The following SLC4A10 variants were observed in gnomAD, a reference collection of about 807,000 sequenced individuals.
SLC4A10 encodes the protein sodium-driven chloride bicarbonate exchanger.
A neutral mutation model predicts 137.7 loss-of-function variants in SLC4A10; 42 were observed. The ratio of observed to expected loss-of-function variants is 0.30; its 90% CI spans 0.24 to 0.39. SLC4A10 has a LOEUF of 0.39. Among genes scored for constraint, SLC4A10 ranks in the 10% least tolerant of loss-of-function variants. The pLI, the probability that SLC4A10 is intolerant of heterozygous loss-of-function variation, is 1.00. For synonymous variants in SLC4A10, 474 were observed against 464.1 expected (o/e 1.02, Z -0.27); for missense variants, 925 against 1,355.0 (o/e 0.68, Z 4.98).
chr2:161,859,640 T>G (rs1227971569), intron 5 of SLC4A10, among the ~76,000 whole-genome samples: 3 of 118,758 alleles, frequency 2.5e-5, no homozygotes, highest in East Asian at 2.9e-4. Flanking sequence ...TTGCTTTGTC[T>G]CCCAGGCTGG....
At chr2:161,652,178 G>A (rs1189969096) in intron 1 of SLC4A10, among the ~76,000 whole-genome samples, 1 of 152,184 alleles carries the variant, frequency 6.6e-6, no homozygotes, top group Non-Finnish European at 1.5e-5. Context: ...AGGTACCTAT[G>A]TACATTATTT....
intron 23 of SLC4A10, among the ~76,000 whole-genome samples, chr2:161,970,975 T>G (rs955284445): frequency 2.0e-5 from 3 of 152,254 alleles, no homozygotes; most frequent in Non-Finnish European, 4.4e-5. Context: ...ATGGTTGGCC[T>G]ACATTGTTTC....
At chr2:161,845,239 A>G (rs908063924) in intron 4 of SLC4A10, among the ~76,000 whole-genome samples, 1 of 152,138 alleles carries the variant, frequency 6.6e-6, no homozygotes, top group Non-Finnish European at 1.5e-5. Context: ...TTATGTATTT[A>G]TGTGTATGTA....
intron 11 of SLC4A10, among the ~76,000 whole-genome samples, chr2:161,896,206 CA>C: frequency 6.6e-6 from 1 of 151,982 alleles, no homozygotes; most frequent in East Asian, 1.9e-4. Flanking sequence ...TCAGGTTTGT[CA>C]AAGATCAGAT....
At chr2:161,823,271 A>G (rs946269167) in intron 3 of SLC4A10, among the ~76,000 whole-genome samples, 11 of 152,216 alleles carry the variant, frequency 7.2e-5, no homozygotes, top group African/African-American at 2.2e-4. Context: ...GCAGTATTAA[A>G]TCATAACTGC....
intron 15 of SLC4A10, among the ~76,000 whole-genome samples, chr2:161,908,337 C>CA (rs1289127112): frequency 6.8e-6 from 1 of 146,164 alleles, no homozygotes; most frequent in Admixed American, 7.1e-5. Flanking sequence ...ATTGCAAGGA[C>CA]AAAAAACCAA....
At chr2:161,760,794 C>G (rs1489603046) in intron 1 of SLC4A10, among the ~76,000 whole-genome samples, 2 of 151,930 alleles carry the variant, frequency 1.3e-5, no homozygotes, top group Non-Finnish European at 2.9e-5. Flanking sequence ...TATAATCTCT[C>G]TGAGGATGGA....
intron 3 of SLC4A10, among the ~76,000 whole-genome samples, chr2:161,831,937 G>A (rs565517694): frequency 6.6e-6 from 1 of 152,196 alleles, no homozygotes; most frequent in South Asian, 2.1e-4. Flanking sequence ...TTGGGCAAAG[G>A]CACTAAGTGC....
At chr2:161,958,197 C>G (rs536840472) in intron 20 of SLC4A10, among the ~76,000 whole-genome samples, 1 of 152,086 alleles carries the variant, frequency 6.6e-6, no homozygotes, top group East Asian at 1.9e-4. Context: ...TCATTATATA[C>G]TACATGGTTT....
At chr2:161,929,597 A>G (rs77105711) in intron 15 of SLC4A10, among the ~76,000 whole-genome samples, 2,367 of 152,284 alleles carry the variant, frequency 0.016, 69 homozygotes, top group East Asian at 0.13. Flanking sequence ...CAGATCTTCA[A>G]CCAGCCAGCT....
intron 6 of SLC4A10, among the ~76,000 whole-genome samples, chr2:161,864,851 T>G (rs2060643772): frequency 6.6e-6 from 1 of 152,142 alleles, no homozygotes; most frequent in South Asian, 2.1e-4. Context: ...GTGCTTTTGT[T>G]ATGCTTATAA....
At chr2:161,665,413 C>T (rs1335887786) in intron 1 of SLC4A10, among the ~76,000 whole-genome samples, 1 of 151,530 alleles carries the variant, frequency 6.6e-6, no homozygotes, top group Non-Finnish European at 1.5e-5. Context: ...CACTTTTGTC[C>T]CAATGTTGGT....
intron 1 of SLC4A10, among the ~76,000 whole-genome samples, chr2:161,745,101 T>C (rs576631178): frequency 2.6e-5 from 4 of 152,304 alleles, no homozygotes; most frequent in South Asian, 2.1e-4. Context: ...TATTTTTCTC[T>C]AGGTTTGGAA....
chr2:161,874,425 G>A (rs905493411), intron 8 of SLC4A10, among the ~76,000 whole-genome samples: 1 of 152,142 alleles, frequency 6.6e-6, no homozygotes, highest in African/African-American at 2.4e-5. Context: ...TTTTGGTTGT[G>A]TGACCTGCCT....
chr2:161,763,931 T>A, intron 1 of SLC4A10, among the ~76,000 whole-genome samples: 1 of 152,178 alleles, frequency 6.6e-6, no homozygotes, highest in East Asian at 1.9e-4. Flanking sequence ...GATACAACCT[T>A]ATGAAGGGGA....
Position 161,747,995 on chromosome 2 carries a change from T to C in SLC4A10, c.49-22978T>C, listed in dbSNP as rs147363861. On this transcript the variant is annotated intron_variant, in intron 1 of 26. Coordinates refer to ENST00000446997, the MANE Select transcript of SLC4A10 (RefSeq NM_001178015.2). ...ATGTCTGTGGATTGATATCTTATTG[T>C]GGTTTTGATTTGCATTTTTCTGATG... Among the ~76,000 whole-genome samples, 578 of 152,316 alleles carry C rather than the reference T, an allele frequency of 3.8e-3. 4 individuals are homozygous for C. Among genetic ancestry groups the C allele is most frequent in the Non-Finnish European group, 6.3e-3 (426 of 68,026 alleles).
At chr2:161,973,052 C>G (rs559449261) in intron 23 of SLC4A10, among the ~76,000 whole-genome samples, 1 of 152,210 alleles carries the variant, frequency 6.6e-6, no homozygotes, top group Admixed American at 6.5e-5. Flanking sequence ...TAAAATCAGC[C>G]AAAGGTCAAG....
chr2:161,828,459 A>G (rs1270926030), intron 3 of SLC4A10, among the ~76,000 whole-genome samples: 1 of 151,322 alleles, frequency 6.6e-6, no homozygotes, highest in East Asian at 1.9e-4. Flanking sequence ...TCAATTATTA[A>G]AGATATAATC....
At chr2:161,681,389 T>A (rs2040834130) in intron 1 of SLC4A10, among the ~76,000 whole-genome samples, 2 of 152,168 alleles carry the variant, frequency 1.3e-5, no homozygotes, top group African/African-American at 4.8e-5. Flanking sequence ...GAGATGAGGA[T>A]CTGAGGACAG....
Sources: allele counts gnomAD v4.1 joint callset (sites outside exome capture counted in the v4.1 genomes callset), GRCh38; gene constraint gnomAD v4.1.1; transcripts MANE v1.5; gene names NCBI Gene and HGNC (gene_info 2026-07-23, HGNC 2026-07-21).